PCCA: variants seen among roughly 807,000 people sequenced by gnomAD.
PCCA encodes propionyl-CoA carboxylase subunit alpha.
PCCA carries 74 observed loss-of-function variants against 101.3 expected under a neutral mutation model. That is an observed-to-expected ratio of 0.73 (90% CI 0.61 to 0.89). PCCA has a LOEUF of 0.89. Ranked by LOEUF, PCCA falls within the 40% of genes least tolerant of loss-of-function variation. The probability of loss-of-function intolerance (pLI) is 0.00; values close to 1 mark genes in which losing one functional copy is unlikely to be tolerated. For synonymous variants in PCCA, 294 were observed against 313.6 expected, an observed-to-expected ratio of 0.94 and a Z score of 0.66; for missense variants, 891 against 907.0, an observed-to-expected ratio of 0.98 and a Z score of 0.23.
At chr13:100,147,907 A>T (rs929130129) in intron 4 of PCCA, among the ~76,000 whole-genome samples, 1 of 152,064 alleles carries the variant, frequency 6.6e-6, no homozygotes, top group Non-Finnish European at 1.5e-5. Flanking sequence ...TCTGTATAAC[A>T]TAAAGTTTAC....
chr13:100,185,252 A>G (rs974555835), intron 6 of PCCA, among the ~76,000 whole-genome samples: 1 of 152,062 alleles, frequency 6.6e-6, no homozygotes, highest in South Asian at 2.1e-4. Context: ...AGTTTTGCCT[A>G]TTTTTTTGAA....
At chr13:100,175,316 G>A (rs1489233505) in intron 6 of PCCA, among the ~76,000 whole-genome samples, 1 of 152,100 alleles carries the variant, frequency 6.6e-6, no homozygotes, top group Non-Finnish European at 1.5e-5. Context: ...TTAGGAAACT[G>A]TTTGAAAGTA....
chr13:100,187,998 G>A (rs1346042051), intron 6 of PCCA, among the ~76,000 whole-genome samples: 3 of 151,702 alleles, frequency 2.0e-5, no homozygotes, highest in Non-Finnish European at 2.9e-5. Context: ...GAGAACATAC[G>A]ATGTTTGGTT....
At chr13:100,148,362 C>T (rs2052840756) in intron 4 of PCCA, among the ~76,000 whole-genome samples, 1 of 152,202 alleles carries the variant, frequency 6.6e-6, no homozygotes, top group Non-Finnish European at 1.5e-5. Flanking sequence ...TTGGCTGTCA[C>T]TCTGCCTCTC....
intron 4 of PCCA, among the ~76,000 whole-genome samples, chr13:100,135,108 G>C (rs1324614755): frequency 6.6e-6 from 1 of 151,444 alleles, no homozygotes; most frequent in African/African-American, 2.4e-5. Flanking sequence ...AAATTGTATT[G>C]TTTGGCCAGG....
chr13:100,410,163 G>A (rs960878166), intron 19 of PCCA, among the ~76,000 whole-genome samples: 9 of 152,304 alleles, frequency 5.9e-5, no homozygotes, highest in African/African-American at 2.2e-4. Flanking sequence ...TACAAAACGT[G>A]ACTGTCCAAA....
intron 23 of PCCA, among the ~76,000 whole-genome samples, chr13:100,528,187 A>G (rs567897779): frequency 6.6e-6 from 1 of 152,378 alleles, no homozygotes; most frequent in South Asian, 2.1e-4. Flanking sequence ...AAGAGAAGCC[A>G]AAACCCCATG....
At chr13:100,318,409 G>A (rs532316381) in intron 16 of PCCA, among the ~76,000 whole-genome samples, 1 of 152,032 alleles carries the variant, frequency 6.6e-6, no homozygotes, top group Admixed American at 6.5e-5. Context: ...GTATTCATGT[G>A]CCATGTTGGT....
At chr13:100,357,378 T>TCTG (rs1462690553) in intron 18 of PCCA, among the ~76,000 whole-genome samples, 1 of 152,224 alleles carries the variant, frequency 6.6e-6, no homozygotes, top group East Asian at 1.9e-4. Flanking sequence ...TGTTTCTATG[T>TCTG]CTGCTCTCAA....
chr13:100,122,723 G>C (rs2049534020), intron 4 of PCCA, among the ~76,000 whole-genome samples: 1 of 152,012 alleles, frequency 6.6e-6, no homozygotes, highest in Non-Finnish European at 1.5e-5. Context: ...GTCTGTTCAG[G>C]CTTGTTATGG....
chr13:100,378,958 A>G (rs1273759835), intron 19 of PCCA, among the ~76,000 whole-genome samples: 1 of 151,996 alleles, frequency 6.6e-6, no homozygotes, highest in Non-Finnish European at 1.5e-5. Flanking sequence ...CTGCAGACTT[A>G]TTGTATTCCT....
chr13:100,524,387 G>GTGTC lies in PCCA; in HGVS notation c.2041-3285_2041-3284insCTGT, dbSNP rs1387897008. Among the ~76,000 whole-genome samples, 345 of 151,236 alleles carry GTGTC rather than the reference G, an allele frequency of 2.3e-3. 3 individuals are homozygous for GTGTC. The highest frequency in any genetic ancestry group is 7.9e-3 in the African/African-American group (326 of 41,070). ...TTCAATTAAGCTCGTGTGTGTGTGT[G>GTGTC]TGTGTGTGTGTGTGTGTGTGTGTGT... On this transcript the variant is annotated intron_variant, in intron 22 of 23. Coordinates refer to ENST00000376285, the MANE Select transcript of PCCA (RefSeq NM_000282.4).
intron 8 of PCCA, among the ~76,000 whole-genome samples, chr13:100,247,139 C>T (rs752568402): frequency 3.6e-4 from 55 of 151,576 alleles, no homozygotes; most frequent in South Asian, 2.1e-4. Flanking sequence ...AACTCCTGAC[C>T]TCGGGTCATC....
At chr13:100,440,209 T>TATATA in intron 20 of PCCA, among the ~76,000 whole-genome samples, 1 of 107,490 alleles carries the variant, frequency 9.3e-6, no homozygotes, top group Non-Finnish European at 1.8e-5. Context: ...TATATATATA[T>TATATA]AAAACGTGAT....
At chr13:100,219,961 A>G (rs2059720193) in intron 7 of PCCA, among the ~76,000 whole-genome samples, 1 of 152,076 alleles carries the variant, frequency 6.6e-6, no homozygotes. Flanking sequence ...GAAATGTGTA[A>G]TATGGAGTTA....
intron 10 of PCCA, among the ~76,000 whole-genome samples, chr13:100,265,745 T>A (rs944329119): frequency 1.3e-5 from 2 of 152,112 alleles, no homozygotes; most frequent in African/African-American, 4.8e-5. Flanking sequence ...TCCCTCCTTC[T>A]TTCTGACAGA....
intron 7 of PCCA, among the ~76,000 whole-genome samples, chr13:100,227,027 G>A (rs191951661): frequency 6.6e-6 from 1 of 152,292 alleles, no homozygotes; most frequent in East Asian, 1.9e-4. Context: ...TCTTTGAGAC[G>A]AAGTCTTGCT....
At chr13:100,293,453 A>G (rs1449286734) in intron 12 of PCCA, among the ~76,000 whole-genome samples, 1 of 152,210 alleles carries the variant, frequency 6.6e-6, no homozygotes, top group Non-Finnish European at 1.5e-5. Flanking sequence ...ACTATAATTG[A>G]ACAAATACCA....
chr13:100,110,167 A>G (rs988400981), intron 2 of PCCA, among the ~76,000 whole-genome samples: 7 of 152,200 alleles, frequency 4.6e-5, no homozygotes, highest in African/African-American at 1.4e-4. Flanking sequence ...GCTCTAGGTT[A>G]TATAAGAGTA....
Sources: gnomAD v4.1 joint callset for allele counts (sites outside exome capture counted in the v4.1 genomes callset) on GRCh38, gnomAD v4.1.1 for gene constraint, MANE v1.5 for transcripts, NCBI Gene and HGNC (gene_info 2026-07-23, HGNC 2026-07-21) for gene names.